Variants in MBNL1 observed in about 807,000 individuals in gnomAD.
The protein encoded by MBNL1 is muscleblind-like protein 1.
A neutral mutation model predicts 42.2 loss-of-function variants in MBNL1; 8 were observed. The ratio of observed to expected loss-of-function variants is 0.19; its 90% CI spans 0.11 to 0.34. The LOEUF is 0.34. Among genes scored for constraint, MBNL1 ranks in the 10% least tolerant of loss-of-function variants. The pLI is 1.00. For synonymous variants in MBNL1, 169 were observed against 173.9 expected (o/e 0.97, Z 0.22); for missense variants, 309 against 495.3 (o/e 0.62, Z 3.57).
chr3:152,351,697 T>A (rs189873742), intron 2 of MBNL1, among the ~76,000 whole-genome samples: 1 of 152,298 alleles, frequency 6.6e-6, no homozygotes, highest in East Asian at 1.9e-4. Context: ...AATCACTAGC[T>A]ATGCAATCAG....
chr3:152,336,753 A>G (rs2090494191), intron 2 of MBNL1, among the ~76,000 whole-genome samples: 1 of 152,220 alleles, frequency 6.6e-6, no homozygotes, highest in Non-Finnish European at 1.5e-5. Flanking sequence ...CTTAGAATAT[A>G]TATTTTGCAG....
chr3:152,244,589 A>C (rs1435887575), intron 2 of MBNL1: 1 of 152,214 alleles, frequency 6.6e-6, no homozygotes, highest in African/African-American at 2.4e-5. Context: ...TAAAAAGTTT[A>C]ATACATTTAC....
intron 2 of MBNL1, chr3:152,335,124 A>C: frequency 7.8e-7 from 1 of 1,288,762 alleles, no homozygotes; most frequent in African/African-American, 1.5e-5. Context: ...TCACTCAGGA[A>C]ATGTTGTTTA....
chr3:152,268,693 C>A (rs1189212248), upstream of MBNL1: 2 of 440,674 alleles, frequency 4.5e-6, no homozygotes, highest in Non-Finnish European at 9.1e-6. Context: ...GCTGGGCGAC[C>A]GCCCATGACC....
intron 2 of MBNL1, among the ~76,000 whole-genome samples, chr3:152,311,280 T>TA (rs1415603964): frequency 6.6e-6 from 1 of 152,206 alleles, no homozygotes. Flanking sequence ...GTGCTGGGAT[T>TA]ACAGGCGTGA....
intron 4 of MBNL1, among the ~76,000 whole-genome samples, chr3:152,433,453 C>T (rs1022816126): frequency 2.6e-5 from 4 of 152,090 alleles, no homozygotes; most frequent in Admixed American, 6.5e-5. Flanking sequence ...AGTATGCTCT[C>T]ATAAAAGTTT....
At chr3:152,265,980 T>C (rs2037162801), upstream of MBNL1, 1 of 152,226 alleles carries the variant, frequency 6.6e-6, no homozygotes, top group African/African-American at 2.4e-5. Context: ...GAAATGTGGT[T>C]AGGATGCTAC....
chr3:152,401,685 C>G (rs1160502843), intron 2 of MBNL1, among the ~76,000 whole-genome samples: 1 of 152,110 alleles, frequency 6.6e-6, no homozygotes, highest in Non-Finnish European at 1.5e-5. Flanking sequence ...TTGCACTAAA[C>G]TATACTATAG....
At chr3:152,277,311 G>A (rs2045821544) in intron 1 of MBNL1, among the ~76,000 whole-genome samples, 4 of 152,118 alleles carry the variant, frequency 2.6e-5, no homozygotes, top group Admixed American at 2.6e-4. Flanking sequence ...GCTGAGAAAT[G>A]TCTCAATGTC....
chr3:152,316,743 C>T (rs962511096), intron 2 of MBNL1, among the ~76,000 whole-genome samples: 15 of 152,158 alleles, frequency 9.9e-5, no homozygotes, highest in Non-Finnish European at 2.1e-4. Flanking sequence ...ACTTCTCAAT[C>T]TATAGAGAAG....
chr3:152,425,122 A>G (rs181138200), intron 3 of MBNL1, among the ~76,000 whole-genome samples: 1 of 152,318 alleles, frequency 6.6e-6, no homozygotes, highest in East Asian at 1.9e-4. Flanking sequence ...GTGAACAGGC[A>G]ACCTACAGAA....
chr3:152,415,104 A>C lies in MBNL1; in HGVS notation c.338A>C (p.Gln113Pro), dbSNP rs766254660. The change falls in exon 3 of 10, where the codon CAA (glutamine) becomes CCA (proline). Residue 113 changes from glutamine (Q) to proline (P), a missense_variant. Physicochemically the swap from Gln to Pro is moderately conservative, Grantham distance 76. Transcript: ENST00000324210. ...ANAMMPGAPL[Q>P]PVPMFSVAPS... is the part of the protein sequence containing the mutation. The stretch of plus-strand genomic sequence containing the variant: ...GCCATGATGCCTGGTGCCCCATTAC[A>C]ACCCGTGGTAAGCATGTTTTCAGTC... 2 of 1,581,002 alleles carry C rather than the reference A, an allele frequency of 1.3e-6. No homozygotes were observed. Among genetic ancestry groups the C allele is most frequent in the South Asian group, 2.3e-5 (2 of 86,078 alleles).
upstream of MBNL1, chr3:152,268,755 C>T: frequency 4.4e-6 from 2 of 452,534 alleles, no homozygotes; most frequent in South Asian, 3.1e-5. Context: ...CCCGGGGAAG[C>T]GCGGGAGGGC....
chr3:152,423,599 C>G (rs780775825), intron 3 of MBNL1, among the ~76,000 whole-genome samples: 24 of 152,176 alleles, frequency 1.6e-4, no homozygotes, highest in Non-Finnish European at 2.9e-4. Flanking sequence ...CAGCATCGTC[C>G]TGATACCAAA....
At chr3:152,460,633 A>G (rs1014504448) in intron 9 of MBNL1, among the ~76,000 whole-genome samples, 1 of 151,952 alleles carries the variant, frequency 6.6e-6, no homozygotes, top group African/African-American at 2.4e-5. Flanking sequence ...CAAAAAAAAA[A>G]ACCACTGTCT....
chr3:152,454,603 C>A (rs1275618277), intron 6 of MBNL1, among the ~76,000 whole-genome samples: 1 of 152,102 alleles, frequency 6.6e-6, no homozygotes, highest in Non-Finnish European at 1.5e-5. Flanking sequence ...ATATATGCAA[C>A]ATTTATTTTT....
chr3:152,274,636 T>C (rs540771532), intron 1 of MBNL1, among the ~76,000 whole-genome samples: 2 of 152,318 alleles, frequency 1.3e-5, no homozygotes, highest in East Asian at 3.8e-4. Context: ...CAGTATTCTA[T>C]TCAGCAATGG....
chr3:152,425,668 A>G (rs2153713674), intron 3 of MBNL1, among the ~76,000 whole-genome samples: 1 of 152,212 alleles, frequency 6.6e-6, no homozygotes, highest in South Asian at 2.1e-4. Context: ...ATCTCACACC[A>G]GTTAGAATGG....
At chr3:152,403,140 A>G (rs1009723563) in intron 2 of MBNL1, among the ~76,000 whole-genome samples, 1 of 144,002 alleles carries the variant, frequency 6.9e-6, no homozygotes, top group African/African-American at 2.6e-5. Flanking sequence ...TGATAGCAAG[A>G]AAAAAAAAAA....
Sources: allele counts gnomAD v4.1 joint callset (sites outside exome capture counted in the v4.1 genomes callset), GRCh38; gene constraint gnomAD v4.1.1; transcripts MANE v1.5; gene names NCBI Gene and HGNC (gene_info 2026-07-23, HGNC 2026-07-21).